Variants in CADPS2 observed in about 807,000 individuals in gnomAD.
CADPS2 encodes the protein calcium-dependent secretion activator 2.
CADPS2 carries 93 observed loss-of-function variants against 172.5 expected under a neutral mutation model. The ratio of observed to expected loss-of-function variants is 0.54; its 90% CI spans 0.46 to 0.64. The LOEUF (loss-of-function observed/expected upper bound fraction) is 0.64, where lower values mean the gene tolerates loss of function less well. Ranked by LOEUF, CADPS2 falls within the 30% of genes least tolerant of loss-of-function variation. The pLI, the probability that CADPS2 is intolerant of heterozygous loss-of-function variation, is 0.00. For missense variants in CADPS2, 1,420 were observed against 1,565.9 expected, an observed-to-expected ratio of 0.91 and a Z score of 1.57; for synonymous variants, 546 against 555.2, an observed-to-expected ratio of 0.98 and a Z score of 0.23.
intron 1 of CADPS2, among the ~76,000 whole-genome samples, chr7:122,845,910 A>G (rs1011636378): frequency 1.3e-5 from 2 of 152,180 alleles, no homozygotes; most frequent in Admixed American, 6.5e-5. Context: ...GGGAAACACA[A>G]AATAGCGTTA....
intron 9 of CADPS2, among the ~76,000 whole-genome samples, chr7:122,502,524 CA>C (rs2059286206): frequency 6.6e-6 from 1 of 151,708 alleles, no homozygotes; most frequent in Admixed American, 6.6e-5. Context: ...TATTGAAAAA[CA>C]AAATAATTTT....
At chr7:122,593,356 G>T (rs762885452) in intron 6 of CADPS2, among the ~76,000 whole-genome samples, 9 of 152,010 alleles carry the variant, frequency 5.9e-5, no homozygotes, top group Non-Finnish European at 1.0e-4. Flanking sequence ...GCCATTACCT[G>T]AGCCCTCGCC....
At chr7:122,659,086 G>A (rs1358301100) in intron 3 of CADPS2, among the ~76,000 whole-genome samples, 2 of 151,832 alleles carry the variant, frequency 1.3e-5, no homozygotes, top group Non-Finnish European at 2.9e-5. Flanking sequence ...TATGAAGCAT[G>A]TCAAAAGCAC....
At chr7:122,429,390 C>T (rs921813279) in intron 17 of CADPS2, among the ~76,000 whole-genome samples, 2 of 149,488 alleles carry the variant, frequency 1.3e-5, no homozygotes, top group African/African-American at 5.0e-5. Context: ...ACATGTATTG[C>T]TTTATAAACT....
chr7:122,832,532 G>T (rs1806892778), intron 1 of CADPS2, among the ~76,000 whole-genome samples: 1 of 152,180 alleles, frequency 6.6e-6, no homozygotes, highest in African/African-American at 2.4e-5. Flanking sequence ...TCTTCCATCT[G>T]CATTAAATAA....
chr7:122,597,118 A>T (rs562449320), intron 6 of CADPS2, among the ~76,000 whole-genome samples: 1 of 152,208 alleles, frequency 6.6e-6, no homozygotes, highest in African/African-American at 2.4e-5. Flanking sequence ...TGCCACTATG[A>T]GCAAACACCT....
chr7:122,620,872 C>T (rs376064003), intron 5 of CADPS2, among the ~76,000 whole-genome samples: 29 of 152,132 alleles, frequency 1.9e-4, no homozygotes, highest in African/African-American at 4.8e-4. Flanking sequence ...TTTCTACCCA[C>T]GTGCGTTTTG....
At chr7:122,731,919 A>G (rs570605636) in intron 2 of CADPS2, among the ~76,000 whole-genome samples, 4 of 151,900 alleles carry the variant, frequency 2.6e-5, no homozygotes, top group African/African-American at 9.6e-5. Context: ...AGAATATTGA[A>G]GAAATTTCAC....
At chr7:122,392,569 T>C (rs1419425879) in intron 22 of CADPS2, among the ~76,000 whole-genome samples, 1 of 152,144 alleles carries the variant, frequency 6.6e-6, no homozygotes, top group African/African-American at 2.4e-5. Flanking sequence ...TTGCTGATTC[T>C]GCAATAGGCA....
chr7:122,382,751 A>C (rs1427173826), intron 24 of CADPS2, among the ~76,000 whole-genome samples: 1 of 152,098 alleles, frequency 6.6e-6, no homozygotes, highest in Non-Finnish European at 1.5e-5. Context: ...CCTGAGTTCA[A>C]GGTTGCAGTG....
At chr7:122,628,384 C>A (rs764442817) in intron 4 of CADPS2, among the ~76,000 whole-genome samples, 6 of 151,800 alleles carry the variant, frequency 4.0e-5, no homozygotes, top group Non-Finnish European at 7.4e-5. Context: ...TATGCGTAAA[C>A]ATTCATTAAA....
intron 27 of CADPS2, among the ~76,000 whole-genome samples, chr7:122,347,198 T>C (rs2037804221): frequency 6.6e-6 from 1 of 152,110 alleles, no homozygotes; most frequent in Non-Finnish European, 1.5e-5. Context: ...ACTATTACCA[T>C]TGCTGGAAAA....
chr7:122,588,659 G>C (rs972832262), intron 6 of CADPS2, among the ~76,000 whole-genome samples: 1 of 151,828 alleles, frequency 6.6e-6, no homozygotes, highest in African/African-American at 2.4e-5. Context: ...TATTCTCTTG[G>C]GAAGTAGAAA....
chr7:122,399,660 C>CTTTTTT lies in CADPS2; in HGVS notation c.2747-6084_2747-6079dup, dbSNP rs1008163151. ...CGATAACTCTCTCAAGGGTGGGTTTCTTTTTTTTTTTTTTTTTTTTTTTTT... is the reference window on the plus strand; with the variant it reads ...CGATAACTCTCTCAAGGGTGGGTTTCTTTTTTTTTTTTTTTTTTTTTTTTTTTTTTT... On this transcript the variant is annotated intron_variant, in intron 20 of 29. Transcript: ENST00000449022. Among the ~76,000 whole-genome samples the CTTTTTT allele has an allele frequency of 1.6e-3, 81 of 51,228 alleles. 12 individuals carry two copies. Among genetic ancestry groups the CTTTTTT allele is most frequent in the Non-Finnish European group, 2.2e-3 (59 of 27,068 alleles). The allele number at this position is 51,228 out of a possible 152,430, so 33.6% of individuals were successfully genotyped here. A position where few individuals can be genotyped will look rare whatever the true frequency, so the allele number is the denominator to read the frequency against.
chr7:122,714,436 A>T (rs1382474411), intron 2 of CADPS2, among the ~76,000 whole-genome samples: 5 of 152,078 alleles, frequency 3.3e-5, no homozygotes, highest in Non-Finnish European at 7.4e-5. Flanking sequence ...TCCATTTTAA[A>T]ATCTTTGGTA....
At chr7:122,635,271 A>AT (rs112889293) in intron 3 of CADPS2, among the ~76,000 whole-genome samples, 86 of 149,098 alleles carry the variant, frequency 5.8e-4, no homozygotes, top group African/African-American at 1.6e-3. Flanking sequence ...TGTGTGGCTA[A>AT]TTTTTTTTTT....
chr7:122,480,088 C>T (rs2057108906), intron 12 of CADPS2: 1 of 471,314 alleles, frequency 2.1e-6, no homozygotes, highest in South Asian at 1.6e-5. Context: ...AATCTGGCAA[C>T]TCTAGCACGT....
intron 1 of CADPS2, among the ~76,000 whole-genome samples, chr7:122,787,685 T>C (rs1725887084): frequency 6.6e-6 from 1 of 152,158 alleles, no homozygotes; most frequent in South Asian, 2.1e-4. Context: ...AAGCACATTG[T>C]AGCCTCCCAC....
At chr7:122,734,766 T>C (rs773612239) in intron 2 of CADPS2, among the ~76,000 whole-genome samples, 5 of 152,128 alleles carry the variant, frequency 3.3e-5, no homozygotes, top group African/African-American at 1.2e-4. Context: ...AAGTGTGTAT[T>C]ACCTGGAAAA....
Sources: allele counts gnomAD v4.1 joint callset (sites outside exome capture counted in the v4.1 genomes callset), GRCh38; gene constraint gnomAD v4.1.1; transcripts MANE v1.5; gene names NCBI Gene and HGNC (gene_info 2026-07-23, HGNC 2026-07-21).